Variants in CFAP47 observed in about 807,000 individuals in gnomAD.
The protein encoded by CFAP47 is cilia and flagella associated protein 47.
A neutral mutation model predicts 148.1 loss-of-function variants in CFAP47; 29 were observed. The ratio of observed to expected loss-of-function variants is 0.20; its 90% CI spans 0.15 to 0.27. CFAP47 has a LOEUF of 0.27. Among genes scored for constraint, CFAP47 ranks in the 10% least tolerant of loss-of-function variants. CFAP47 has a pLI of 1.00. For synonymous variants in CFAP47, 664 were observed against 577.3 expected, an observed-to-expected ratio of 1.15 and a Z score of -2.15; for missense variants, 1,872 against 1,697.5, an observed-to-expected ratio of 1.10 and a Z score of -1.81.
intron 57 of CFAP47, among the ~76,000 whole-genome samples, chrX:36,347,149 G>A (rs990773639): frequency 1.1e-4 from 12 of 112,103 alleles, no homozygotes; most frequent in African/African-American, 3.6e-4. Context: ...CTTCTCAAAA[G>A]AAGACATTTA....
chrX:35,932,687 C>T (rs1447176488), intron 2 of CFAP47, among the ~76,000 whole-genome samples: 4 of 108,675 alleles, frequency 3.7e-5, no homozygotes, highest in African/African-American at 1.0e-4. Context: ...AGTGCAGTGG[C>T]GTGATCTCAG....
chrX:36,266,101 T>A (rs140419097), intron 49 of CFAP47, among the ~76,000 whole-genome samples: 170 of 111,091 alleles, frequency 1.5e-3, no homozygotes, highest in African/African-American at 5.1e-3. Flanking sequence ...CACTGCCAGA[T>A]TATTGGCAAC....
At chrX:36,078,533 T>C (rs1165911440) in intron 29 of CFAP47, among the ~76,000 whole-genome samples, 1 of 109,449 alleles carries the variant, frequency 9.1e-6, no homozygotes, top group Non-Finnish European at 1.9e-5. Context: ...AACCCCTACT[T>C]TTTTTTTGTT....
intron 60 of CFAP47, among the ~76,000 whole-genome samples, chrX:36,355,483 T>C (rs1331207527): frequency 8.9e-6 from 1 of 111,812 alleles, no homozygotes; most frequent in African/African-American, 3.2e-5. Context: ...ATTTATGTCC[T>C]CAGATGAATG....
intron 33 of CFAP47, among the ~76,000 whole-genome samples, chrX:36,122,579 A>G (rs1441878736): frequency 2.7e-5 from 3 of 111,555 alleles, no homozygotes; most frequent in Admixed American, 9.5e-5. Context: ...CAATTCTGCT[A>G]TTAAAGGACT....
chrX:36,324,460 G>T (rs1351273997), intron 57 of CFAP47, among the ~76,000 whole-genome samples: 3 of 111,494 alleles, frequency 2.7e-5, no homozygotes, highest in African/African-American at 9.7e-5. Context: ...AAGGTATGGG[G>T]ACTGAGCATT....
At chrX:36,009,302 A>G (rs1312329525) in intron 21 of CFAP47, among the ~76,000 whole-genome samples, 1 of 111,160 alleles carries the variant, frequency 9.0e-6, no homozygotes, top group Non-Finnish European at 1.9e-5. Flanking sequence ...TATAATATGT[A>G]TGATATTAAT....
chrX:36,149,811 G>A (rs1048423291), intron 37 of CFAP47, among the ~76,000 whole-genome samples: 4 of 108,012 alleles, frequency 3.7e-5, no homozygotes, highest in Admixed American at 1.0e-4. Flanking sequence ...GTTTCACCAC[G>A]TTGGCCAGGC....
At chrX:36,196,656 T>A (rs904960513) in intron 42 of CFAP47, among the ~76,000 whole-genome samples, 1 of 111,372 alleles carries the variant, frequency 9.0e-6, no homozygotes, top group African/African-American at 3.3e-5. Flanking sequence ...GTAACTGTGC[T>A]ATTTGAGGAC....
intron 19 of CFAP47, 70 bp from the exon 20 acceptor site, chrX:36,000,213 A>C: frequency 1.2e-5 from 3 of 258,995 alleles, no homozygotes; most frequent in African/African-American, 2.8e-5. Flanking sequence ...TAAATATAAT[A>C]TTGCAAGTTT....
At chrX:36,261,759 T>A (rs1236477333) in intron 49 of CFAP47, among the ~76,000 whole-genome samples, 1 of 111,454 alleles carries the variant, frequency 9.0e-6, no homozygotes, top group African/African-American at 3.3e-5. Context: ...CTGATTTCTC[T>A]ATCTTTTCCC....
intron 45 of CFAP47, among the ~76,000 whole-genome samples, chrX:36,223,482 A>G (rs782770353): frequency 9.0e-6 from 1 of 111,098 alleles, no homozygotes; most frequent in Admixed American, 9.7e-5. Flanking sequence ...TCATTTTCTG[A>G]ATTAAAAGCT....
At chrX:36,052,079 T>C (rs1937522160) in intron 26 of CFAP47, among the ~76,000 whole-genome samples, 1 of 111,817 alleles carries the variant, frequency 8.9e-6, no homozygotes, top group Admixed American at 9.5e-5. Flanking sequence ...AACCTCTTTT[T>C]CTTTAAATAT....
At chrX:35,988,260 C>T (rs1387391168) in intron 15 of CFAP47, among the ~76,000 whole-genome samples, 1 of 111,319 alleles carries the variant, frequency 9.0e-6, no homozygotes, top group Admixed American at 9.5e-5. Context: ...AAACTCTTAC[C>T]TACCTAATCC....
chrX:36,320,484 C>T (rs1305912200), intron 57 of CFAP47, among the ~76,000 whole-genome samples: 1 of 111,778 alleles, frequency 8.9e-6, no homozygotes, highest in Non-Finnish European at 1.9e-5. Flanking sequence ...TATTATTATT[C>T]TCACTGAATT....
chrX:36,152,756 T>C (rs770009686), intron 37 of CFAP47, among the ~76,000 whole-genome samples: 1 of 111,815 alleles, frequency 8.9e-6, no homozygotes, highest in African/African-American at 3.2e-5. Flanking sequence ...TAAGCTATTT[T>C]CTTTCATAGA....
intron 58 of CFAP47, among the ~76,000 whole-genome samples, chrX:36,348,842 A>G (rs948112982): frequency 5.4e-5 from 6 of 111,879 alleles, no homozygotes; most frequent in African/African-American, 1.6e-4. Flanking sequence ...TGCAAAATCT[A>G]AATGTGTTCT....
At chrX:36,065,908 A>G (rs1937634101) in intron 27 of CFAP47, among the ~76,000 whole-genome samples, 165 bp downstream of exon 27, 1 of 112,211 alleles carries the variant, frequency 8.9e-6, no homozygotes, top group Non-Finnish European at 1.9e-5. Flanking sequence ...TCTTAATTCC[A>G]AAAGTTGACG....
chrX:35,932,093 G>C (rs1935836074), intron 2 of CFAP47, among the ~76,000 whole-genome samples: 1 of 101,512 alleles, frequency 9.9e-6, no homozygotes, highest in African/African-American at 3.6e-5. Flanking sequence ...CTGTTGCCCA[G>C]GTTGGAGTTC....
Sources: gnomAD v4.1 joint callset for allele counts (sites outside exome capture counted in the v4.1 genomes callset) on GRCh38, gnomAD v4.1.1 for gene constraint, MANE v1.5 for transcripts, NCBI Gene and HGNC (gene_info 2026-07-23, HGNC 2026-07-21) for gene names.